Variants in WNK1 observed in about 807,000 individuals in gnomAD.
WNK1 encodes the protein WNK lysine deficient protein kinase 1, also known as serine/threonine-protein kinase WNK1.
WNK1 carries 38 observed loss-of-function variants against 222.8 expected under a neutral mutation model. The observed-to-expected ratio is 0.17, with a 90% CI of 0.13 to 0.22. WNK1 has a LOEUF of 0.22. Among genes scored for constraint, WNK1 ranks in the 10% least tolerant of loss-of-function variants. The pLI, the probability that WNK1 is intolerant of heterozygous loss-of-function variation, is 1.00. For synonymous variants in WNK1, 1,090 were observed against 1,092.9 expected, an observed-to-expected ratio of 1.00 and a Z score of 0.05; for missense variants, 2,348 against 2,918.4, an observed-to-expected ratio of 0.80 and a Z score of 4.50.
intron 26 of WNK1, chr12:901,144 T>G: frequency 4.2e-6 from 1 of 236,958 alleles, no homozygotes; most frequent in Non-Finnish European, 8.4e-6. Context: ...TATTAGTGAT[T>G]GCTGAAAAAA....
At chr12:802,492 C>T in intron 1 of WNK1, among the ~76,000 whole-genome samples, 1 of 152,044 alleles carries the variant, frequency 6.6e-6, no homozygotes, top group East Asian at 1.9e-4. Context: ...AGGATCTATC[C>T]TTGTTCAGTA....
At chr12:857,948 T>A (rs1337618366) in intron 5 of WNK1, among the ~76,000 whole-genome samples, 1 of 152,184 alleles carries the variant, frequency 6.6e-6, no homozygotes, top group African/African-American at 2.4e-5. Context: ...AAATTGCAAA[T>A]TGAGCATAAT....
At chr12:780,173 G>A (rs556685379) in intron 1 of WNK1, among the ~76,000 whole-genome samples, 98 of 152,230 alleles carry the variant, frequency 6.4e-4, no homozygotes, top group African/African-American at 2.3e-3. Flanking sequence ...GTCTAATTCC[G>A]TTTTAACTTC....
In WNK1 at chr12:896,065, T is replaced by TA. The variant is rs751559622; in HGVS notation, c.5584-5dup. 6.2e-7 allele frequency: 1 copy of TA among 1,614,188 alleles called. No homozygotes were observed. Among genetic ancestry groups the TA allele is most frequent in the Non-Finnish European group, 8.5e-7 (1 of 1,180,032 alleles). On this transcript the variant is annotated splice_region_variant and splice_polypyrimidine_tract_variant and intron_variant, in intron 23 of 27. Coordinates refer to ENST00000315939, the MANE Select transcript of WNK1 (RefSeq NM_018979.4). ...TAAGTTTTTAATCTTTGTCCTTTTTTATCAGGTTTCTGTTGCAGCAGACGG... is the reference window on the plus strand; with the variant it reads ...TAAGTTTTTAATCTTTGTCCTTTTTTAATCAGGTTTCTGTTGCAGCAGACGG...
intron 1 of WNK1, among the ~76,000 whole-genome samples, chr12:789,119 A>G (rs535627976): frequency 6.6e-6 from 1 of 152,178 alleles, no homozygotes; most frequent in Non-Finnish European, 1.5e-5. Context: ...TAGAAACTAG[A>G]ACAGATACAG....
At chr12:832,044 A>G (rs553176171) in intron 4 of WNK1, among the ~76,000 whole-genome samples, 18 of 152,114 alleles carry the variant, frequency 1.2e-4, no homozygotes, top group Admixed American at 1.0e-3. Context: ...TGATAGCTGA[A>G]CAGAATGGAA....
intron 2 of WNK1, among the ~76,000 whole-genome samples, chr12:814,345 A>G (rs572446502): frequency 6.6e-6 from 1 of 151,908 alleles, no homozygotes; most frequent in Non-Finnish European, 1.5e-5. Flanking sequence ...AAGAGTGGCT[A>G]AGGAATCAGA....
intron 25 of WNK1, among the ~76,000 whole-genome samples, chr12:899,395 A>C (rs966660563): frequency 1.3e-5 from 2 of 152,074 alleles, no homozygotes; most frequent in African/African-American, 4.8e-5. Context: ...CAGCCTCCCA[A>C]GTAGCTGGGA....
chr12:854,338 C>A, intron 4 of WNK1, among the ~76,000 whole-genome samples: 1 of 143,620 alleles, frequency 7.0e-6, no homozygotes, highest in South Asian at 2.3e-4. Flanking sequence ...GGCAACAGAG[C>A]AAGAACTTAT....
At chr12:894,530 T>G in intron 22 of WNK1, 32 bp from the exon 23 acceptor site, 1 of 1,578,066 alleles carries the variant, frequency 6.3e-7, no homozygotes, top group Non-Finnish European at 8.7e-7. Context: ...AAGGAGACAC[T>G]TATGTTTTCC....
rs72650787 is a variant in WNK1 at position 904,327 on chromosome 12, G to A, written c.6644-3520G>A. 2,179 of 607,704 alleles carry A rather than the reference G, an allele frequency of 3.6e-3. 9 individuals carry two copies. Among genetic ancestry groups the A allele is most frequent in the Non-Finnish European group, 4.9e-3 (1,818 of 372,622 alleles). 37.6% of individuals were successfully genotyped at this position (607,704 alleles called of 1,614,324 possible). ...ACTATATCTGTTCAAGGGCTACCAG[G>A]TCCTACCTATCTGTCTCACCTCCTG... On this transcript the variant is annotated intron_variant, in intron 26 of 27. Transcript: ENST00000315939.
intron 8 of WNK1, chr12:867,894 G>A (rs1241803361): frequency 6.2e-7 from 1 of 1,613,938 alleles, no homozygotes; most frequent in Non-Finnish European, 8.5e-7. Context: ...CCGTGTGGGG[G>A]GACCCCAACA....
intron 2 of WNK1, among the ~76,000 whole-genome samples, chr12:820,270 T>C (rs1947735358): frequency 1.3e-5 from 2 of 152,188 alleles, no homozygotes; most frequent in Non-Finnish European, 2.9e-5. Context: ...TATACAAGTC[T>C]TTCACATCCT....
In WNK1 at chr12:788,892, G is replaced by GA. The variant is rs1565432275; in HGVS notation, c.760-24750_760-24749insA. 1.0e-3 allele frequency among the ~76,000 whole-genome samples: 149 copies of GA among 149,440 alleles called. 3 individuals are homozygous for GA. The highest frequency in any genetic ancestry group is 8.3e-3 in the Admixed American group (125 of 14,996). ...ACAGAGCAAGACTCTGTCTCGGGGG[G>GA]GAAAAAGAAAGGTAAGTGAGCAAAC... is the stretch of plus-strand genomic sequence containing the variant. On this transcript the variant is annotated intron_variant, in intron 1 of 27. Coordinates refer to ENST00000315939, the MANE Select transcript of WNK1 (RefSeq NM_018979.4).
At chr12:899,927 C>T (rs528345475) in intron 25 of WNK1, among the ~76,000 whole-genome samples, 75 of 151,538 alleles carry the variant, frequency 4.9e-4, no homozygotes, top group African/African-American at 1.8e-3. Flanking sequence ...GGTCTTCTTA[C>T]GCTGCTCAGA....
intron 2 of WNK1, among the ~76,000 whole-genome samples, chr12:817,522 T>G (rs2154016380): frequency 6.6e-6 from 1 of 152,298 alleles, no homozygotes; most frequent in South Asian, 2.1e-4. Context: ...GAATGGGAAT[T>G]AATTCCAAAA....
At chr12:862,033 T>C in intron 7 of WNK1, 50 bp from the exon 8 acceptor site, 2 of 1,608,798 alleles carry the variant, frequency 1.2e-6, no homozygotes, top group Non-Finnish European at 1.7e-6. Flanking sequence ...CTCCATTTTG[T>C]GATTTGTCTT....
rs763932979 is a variant in WNK1 at position 890,495 on chromosome 12, A to G, written c.5491A>G (p.Thr1831Ala). The change falls in exon 22 of 28, where the codon ACA (threonine) becomes GCA (alanine). Residue 1831 changes from threonine (T) to alanine (A), a missense_variant. Physicochemically the swap from Thr to Ala is moderately conservative, Grantham distance 58 (BLOSUM62 0). Transcript: ENST00000315939. ...AAPTAITEAG[T>A]QPQKGVSQVK... ...TCCAACAGCAATCACAGAAGCAGGA[A>G]CACAGCCTCAGAAGGGTGGTGAGAA... 4.3e-6 allele frequency: 7 copies of G among 1,614,042 alleles called. No homozygotes were observed. The highest frequency in any genetic ancestry group is 5.9e-6 in the Non-Finnish European group (7 of 1,180,010).
intron 8 of WNK1, chr12:865,488 A>G (rs779056525): frequency 3.1e-6 from 4 of 1,287,456 alleles, no homozygotes; most frequent in Non-Finnish European, 3.1e-6. Flanking sequence ...TGCTTCTAGG[A>G]TACCAGTTAT....
Sources: allele counts gnomAD v4.1 joint callset (sites outside exome capture counted in the v4.1 genomes callset), GRCh38; gene constraint gnomAD v4.1.1; transcripts MANE v1.5; gene names NCBI Gene and HGNC (gene_info 2026-07-23, HGNC 2026-07-21).